GPATCH1: variants seen among roughly 807,000 people sequenced by gnomAD.
GPATCH1 encodes G patch domain-containing protein 1.
In GPATCH1, 73 loss-of-function variants were observed where a neutral mutation model predicts 114.9. The observed-to-expected ratio is 0.64, with a 90% CI of 0.53 to 0.77. The LOEUF (loss-of-function observed/expected upper bound fraction) is 0.77. Among genes scored for constraint, GPATCH1 ranks in the 30% least tolerant of loss-of-function variants. The probability of loss-of-function intolerance (pLI) is 0.00; values close to 1 mark genes in which losing one functional copy is unlikely to be tolerated. For missense variants in GPATCH1, 1,058 were observed against 1,144.3 expected, an observed-to-expected ratio of 0.92 and a Z score of 1.09; for synonymous variants, 391 against 428.4, an observed-to-expected ratio of 0.91 and a Z score of 1.08.
chr19:33,106,719 A>G lies in GPATCH1; in HGVS notation c.1105A>G (p.Arg369Gly), dbSNP rs1233793234. ...GATCTATCCACCTCCAGAGCTGCCA[A>G]GAGACTATCGACCAGTGCATTATTT... ...KKIYPPPELP[R>G]DYRPVHYFRP... The change falls in exon 10 of 20, where the codon AGA becomes GGA. Residue 369 changes from arginine (R) to glycine (G), a missense_variant. By Grantham distance (125) the Arg-to-Gly change is moderately radical. This residue lies in a region of GPATCH1 where 893 missense variants were observed against 977.4 expected (regional missense o/e 0.91). Transcript: ENST00000170564. 6 of 1,613,928 alleles carry G rather than the reference A, an allele frequency of 3.7e-6. No homozygotes were observed. Among genetic ancestry groups the G allele is most frequent in the Non-Finnish European group, 5.1e-6 (6 of 1,179,948 alleles).
chr19:33,102,147 A>T (rs1018812934), intron 9 of GPATCH1, among the ~76,000 whole-genome samples: 3 of 151,928 alleles, frequency 2.0e-5, no homozygotes, highest in African/African-American at 4.8e-5. Context: ...CACCCTGGTC[A>T]ATATGGCAAA....
chr19:33,115,181 C>G (rs569778264), intron 15 of GPATCH1, among the ~76,000 whole-genome samples: 1 of 149,694 alleles, frequency 6.7e-6, no homozygotes, highest in East Asian at 2.0e-4. Context: ...GCCTCAGCCT[C>G]CTGAGTAGTT....
chr19:33,089,775 C>T (rs1972574399), intron 2 of GPATCH1, among the ~76,000 whole-genome samples: 1 of 142,706 alleles, frequency 7.0e-6, no homozygotes, highest in Non-Finnish European at 1.5e-5. Context: ...TGCCCGCCAC[C>T]ACACCCGGCT....
intron 15 of GPATCH1, among the ~76,000 whole-genome samples, chr19:33,117,147 G>T (rs555691849): frequency 6.6e-6 from 1 of 152,102 alleles, no homozygotes; most frequent in African/African-American, 2.4e-5. Flanking sequence ...AGTGTGCTAT[G>T]ATCGCACCAT....
Position 33,117,834 on chromosome 19 carries a change from A to C in GPATCH1, c.2206A>C (p.Lys736Gln). 1 of 1,612,814 alleles carries C rather than the reference A, an allele frequency of 6.2e-7. No individual in the cohort carries two copies. Among genetic ancestry groups the C allele is most frequent in the Non-Finnish European group, 8.5e-7 (1 of 1,179,368 alleles). Residue 736 changes from lysine to glutamine, a missense_variant, in exon 16 of 20, where the codon AAA becomes CAA. Lys to Gln is a moderately conservative substitution (Grantham distance 53). This residue lies in a region of GPATCH1 where 893 missense variants were observed against 977.4 expected (regional missense o/e 0.91). Transcript: ENST00000170564. ...TTCACTGTCAATACAGACCGTCAAC[A>C]AAGATGTGGACGCACAGGCTGAAGG... ...PELSANQTVN[K>Q]DVDAQAEGEG...
intron 8 of GPATCH1, among the ~76,000 whole-genome samples, chr19:33,098,176 T>TGG (rs912930967): frequency 6.6e-6 from 1 of 152,098 alleles, no homozygotes; most frequent in East Asian, 1.9e-4. Flanking sequence ...AGTGACCACA[T>TGG]GGCTGGTCAG....
intron 15 of GPATCH1, among the ~76,000 whole-genome samples, chr19:33,115,705 G>C (rs1312450433): frequency 6.6e-6 from 1 of 151,632 alleles, no homozygotes; most frequent in African/African-American, 2.4e-5. Flanking sequence ...TGTTGGTCAG[G>C]CTGGTCTTAA....
rs1282806343 is a variant in GPATCH1 at position 33,081,307 on chromosome 19, C to G, written c.73+41C>G. ...GCCGGCGGAGCCTGTGGAAAACAGG[C>G]CAAGGGCCCAGGATTCGGGCCACAA... On this transcript the variant is annotated intron_variant, in intron 1 of 19. Coordinates refer to ENST00000170564, the MANE Select transcript of GPATCH1 (RefSeq NM_018025.3). 1.9e-5 allele frequency: 28 copies of G among 1,488,260 alleles called. No individual in the cohort carries two copies. The East Asian group carries it at 6.9e-4, about 37-fold the overall frequency. 92.2% of individuals were successfully genotyped at this position (1,488,260 alleles called of 1,614,324 possible). A position where few individuals can be genotyped will look rare whatever the true frequency, so the allele number is the denominator to read the frequency against.
intron 10 of GPATCH1, among the ~76,000 whole-genome samples, chr19:33,108,006 C>A (rs189302899): frequency 2.1e-4 from 32 of 152,144 alleles, no homozygotes; most frequent in African/African-American, 6.5e-4. Flanking sequence ...CCCGCTTCCC[C>A]GGGAGGCCTA....
intron 8 of GPATCH1, among the ~76,000 whole-genome samples, chr19:33,098,397 T>C (rs1175973593): frequency 2.0e-5 from 3 of 152,234 alleles, no homozygotes; most frequent in African/African-American, 4.8e-5. Flanking sequence ...GATAAGAGGC[T>C]GACATCTCTC....
chr19:33,118,201 C>T (rs953268563), intron 16 of GPATCH1, among the ~76,000 whole-genome samples, 160 bp downstream of exon 16: 5 of 105,436 alleles, frequency 4.7e-5, no homozygotes, highest in African/African-American at 1.6e-4. Flanking sequence ...TTTTTGGAAA[C>T]AGGATCTGGC....
chr19:33,117,108 A>G (rs1972924662), intron 15 of GPATCH1, among the ~76,000 whole-genome samples: 1 of 152,088 alleles, frequency 6.6e-6, no homozygotes, highest in Non-Finnish European at 1.5e-5. Context: ...CGGTTGGAGG[A>G]TCACTTGAGC....
In GPATCH1 at chr19:33,109,944, C is replaced by G; in HGVS notation, c.1513C>G (p.Pro505Ala). The change falls in exon 11 of 20, where the codon CCT becomes GCT. Residue 505 changes from proline (P) to alanine (A), a missense_variant. Transcript: ENST00000170564. ...CACCTTAAAAGCCAGCAACTTCAAG[C>G]CTTTCGCCAAAGATCCGGAAAAGCA... ...TATLKASNFK[P>A]FAKDPEKQKR... The G allele has an allele frequency of 6.2e-7, 1 of 1,614,104 alleles. No individual in the cohort carries two copies. The highest frequency in any genetic ancestry group is 8.5e-7 in the Non-Finnish European group (1 of 1,180,006).
rs542838377 is a variant in GPATCH1, at chr19:33,095,055, G to A, written c.554-707G>A. Among the ~76,000 whole-genome samples, 413 of 152,150 alleles carry A rather than the reference G, an allele frequency of 2.7e-3. 1 individual carries two copies. The highest frequency in any genetic ancestry group is 9.6e-3 in the African/African-American group (398 of 41,524). ...GGAGCGCACCTGTAGTCCCAGCTACGACTCAGGAGAGTGAGGTGGGAGGAT... is the reference window on the plus strand; with the variant it reads ...GGAGCGCACCTGTAGTCCCAGCTACAACTCAGGAGAGTGAGGTGGGAGGAT... On this transcript the variant is annotated intron_variant, in intron 5 of 19. Coordinates refer to ENST00000170564, the MANE Select transcript of GPATCH1 (RefSeq NM_018025.3).
Position 33,130,225 on chromosome 19 carries a change from C to T in GPATCH1, c.*65C>T. On this transcript the variant is annotated 3_prime_UTR_variant, in exon 20 of 20. Coordinates refer to ENST00000170564, the MANE Select transcript of GPATCH1 (RefSeq NM_018025.3). ...CCATGATGGAAGCCCAGTGATTGTT[C>T]AGTTAACGCATTGTACAGAGTGTAT... 2 of 1,099,156 alleles carry T rather than the reference C, an allele frequency of 1.8e-6. No homozygotes were observed. The highest frequency in any genetic ancestry group is 1.2e-5 in the South Asian group (1 of 80,420). 68.1% of individuals were successfully genotyped at this position (1,099,156 alleles called of 1,614,324 possible). A position where few individuals can be genotyped will look rare whatever the true frequency, so the allele number is the denominator to read the frequency against.
In GPATCH1 at chr19:33,112,508, C is replaced by T. The variant is rs774609648; in HGVS notation, c.1787C>T (p.Ser596Leu). 2.5e-5 allele frequency: 41 copies of T among 1,613,820 alleles called. No individual in the cohort carries two copies. The highest frequency in any genetic ancestry group is 4.5e-5 in the East Asian group (2 of 44,888). Residue 596 changes from serine to leucine, a missense_variant, in exon 13 of 20, where the codon TCG becomes TTG. Ser to Leu is a moderately radical substitution (Grantham distance 145). This residue lies in a region of GPATCH1 where 893 missense variants were observed against 977.4 expected (regional missense o/e 0.91). Transcript: ENST00000170564. ...DQENDVGDKQ[S>L]AVKMKMFGKL... ...CAGAATGATGTCGGGGATAAGCAGT[C>T]GGCTGTGAAGATGAAGATGTTTGGG...
chr19:33,089,111 G>A (rs977557759), intron 2 of GPATCH1, among the ~76,000 whole-genome samples: 3 of 152,180 alleles, frequency 2.0e-5, no homozygotes, highest in African/African-American at 7.2e-5. Context: ...ATGATTAAAT[G>A]ATAATAATGA....
chr19:33,109,034 C>G (rs1972818905), intron 10 of GPATCH1, among the ~76,000 whole-genome samples: 1 of 151,572 alleles, frequency 6.6e-6, no homozygotes, highest in Non-Finnish European at 1.5e-5. Context: ...GCTTGGGAAA[C>G]ATGGCGTAAT....
In GPATCH1 at chr19:33,109,722, G is replaced by T. The variant is rs762164746; in HGVS notation, c.1291G>T (p.Ala431Ser). The T allele has an allele frequency of 1.9e-5, 29 of 1,559,978 alleles. No homozygotes were observed. Among genetic ancestry groups the T allele is most frequent in the Middle Eastern group, 1.7e-4 (1 of 5,820 alleles). The change falls in exon 11 of 20, where the codon GCT becomes TCT. Residue 431 changes from alanine (A) to serine (S), a missense_variant. By Grantham distance (99) the Ala-to-Ser change is moderately conservative. Transcript: ENST00000170564. ...LLGETPIQGS[A>S]TSVLEFLSQK... Reference sequence around the variant, plus strand: ...TAATTACTGTTTTTATTTAGGTTCAGCTACTTCAGTGTTAGAATTTCTGTC... The same window carrying T: ...TAATTACTGTTTTTATTTAGGTTCATCTACTTCAGTGTTAGAATTTCTGTC...
Sources: allele counts gnomAD v4.1 joint callset (sites outside exome capture counted in the v4.1 genomes callset), GRCh38; gene constraint gnomAD v4.1.1; regional missense constraint gnomAD v4.1.1; transcripts MANE v1.5; gene names NCBI Gene and HGNC (gene_info 2026-07-23, HGNC 2026-07-21).